The following ALDH8A1 variants were observed in gnomAD, a reference collection of about 807,000 sequenced individuals.
The protein encoded by ALDH8A1 is 2-aminomuconic semialdehyde dehydrogenase.
A neutral mutation model predicts 43.3 loss-of-function variants in ALDH8A1; 39 were observed. That is an observed-to-expected ratio of 0.90 (90% CI 0.70 to 1.18). ALDH8A1 has a LOEUF of 1.18. Ranked by LOEUF, ALDH8A1 falls within the 50% of genes most tolerant of loss-of-function variation. The pLI, the probability that ALDH8A1 is intolerant of heterozygous loss-of-function variation, is 0.00. For missense variants in ALDH8A1, 605 were observed against 622.6 expected (o/e 0.97, Z 0.30); for synonymous variants, 233 against 243.5 (o/e 0.96, Z 0.40).
chr6:134,931,406 G>C (rs1776983913), intron 5 of ALDH8A1, among the ~76,000 whole-genome samples: 2 of 152,118 alleles, frequency 1.3e-5, no homozygotes, highest in South Asian at 4.2e-4. Flanking sequence ...TGAGATTACA[G>C]GCGCCCACCA....
chr6:134,943,231 T>C (rs1773890097), intron 2 of ALDH8A1, among the ~76,000 whole-genome samples: 1 of 152,270 alleles, frequency 6.6e-6, no homozygotes, highest in Non-Finnish European at 1.5e-5. Flanking sequence ...GGCTGCTTTC[T>C]GATTTTTGAT....
chr6:134,948,880 G>A (rs1447511841), intron 1 of ALDH8A1, among the ~76,000 whole-genome samples: 1 of 152,190 alleles, frequency 6.6e-6, no homozygotes, highest in Non-Finnish European at 1.5e-5. Context: ...ACAAGGAAGA[G>A]TGGAAAACAC....
At chr6:134,924,643 G>A (rs1453872016) in intron 6 of ALDH8A1, among the ~76,000 whole-genome samples, 1 of 152,024 alleles carries the variant, frequency 6.6e-6, no homozygotes, top group Non-Finnish European at 1.5e-5. Flanking sequence ...TCTTTAGAGA[G>A]TCCTTCTCTA....
At chr6:134,929,273 C>T in intron 5 of ALDH8A1, 58 bp from the exon 6 acceptor site, 1 of 1,572,064 alleles carries the variant, frequency 6.4e-7, no homozygotes, top group South Asian at 1.2e-5. Flanking sequence ...GGATAGAGCA[C>T]CCTGCACTTT....
At position 134,929,128 on chromosome 6, in the gene ALDH8A1, T is replaced by C; in HGVS notation, c.937A>G (p.Lys313Glu). ...TCAGAGGGAATGCCGACTTTCCACT[T>C]TCTGGTAGCTTCTACAAATCTCTTT... ...FLKRFVEATR[K>E]WKVGIPSDPL... Residue 313 changes from lysine to glutamate, a missense_variant, in exon 6 of 7, where the codon AAG becomes GAG. Physicochemically the swap from Lys to Glu is moderately conservative, Grantham distance 56. Coordinates refer to ENST00000265605, the MANE Select transcript of ALDH8A1 (RefSeq NM_022568.4). 1 of 1,614,222 alleles carries C rather than the reference T, an allele frequency of 6.2e-7. No individual in the cohort carries two copies.
At chr6:134,931,879 T>C (rs1776991668) in intron 5 of ALDH8A1, among the ~76,000 whole-genome samples, 2 of 152,234 alleles carry the variant, frequency 1.3e-5, no homozygotes, top group Admixed American at 6.5e-5. Flanking sequence ...ATCATTATTG[T>C]TCACATGATT....
chr6:134,949,978 C>A lies in ALDH8A1; in HGVS notation c.76G>T (p.Asp26Tyr). ...TCCCCTGTTGATGGGTCGTAAGAAT[C>A]TATATATGAGCTACAAGGTAAAAAT... ...GKFLPCSSYI[D>Y]SYDPSTGEVY... Residue 26 changes from aspartate to tyrosine, a missense_variant, in exon 1 of 7, where the codon GAT becomes TAT. Coordinates refer to ENST00000265605, the MANE Select transcript of ALDH8A1 (RefSeq NM_022568.4). 1.2e-6 allele frequency: 2 copies of A among 1,613,086 alleles called. No homozygotes were observed. Among genetic ancestry groups the A allele is most frequent in the East Asian group, 4.5e-5 (2 of 44,866 alleles).
At chr6:134,932,465 G>A (rs2072827) in intron 5 of ALDH8A1, among the ~76,000 whole-genome samples, 52,706 of 151,950 alleles carry the variant, frequency 0.35, 11,072 homozygotes, top group East Asian at 0.49. Flanking sequence ...GACAAGACAG[G>A]GCAGCTGTGT....
intron 4 of ALDH8A1, among the ~76,000 whole-genome samples, chr6:134,933,265 G>A (rs904134380): frequency 3.3e-5 from 5 of 152,176 alleles, no homozygotes; most frequent in Admixed American, 3.3e-4. Context: ...TCCACTGGAT[G>A]CTTTGCCCTA....
chr6:134,949,825 C>A, intron 1 of ALDH8A1, 91 bp downstream of exon 1: 1 of 1,395,954 alleles, frequency 7.2e-7, no homozygotes. Flanking sequence ...CCTACATCTT[C>A]CCCCAACTCC....
At chr6:134,924,567 T>C (rs1464927727) in intron 6 of ALDH8A1, among the ~76,000 whole-genome samples, 1 of 152,204 alleles carries the variant, frequency 6.6e-6, no homozygotes, top group Non-Finnish European at 1.5e-5. Context: ...CCAGAATCCA[T>C]CACAACACGC....
At chr6:134,945,227 T>C (rs1369600159) in intron 1 of ALDH8A1, among the ~76,000 whole-genome samples, 1 of 152,156 alleles carries the variant, frequency 6.6e-6, no homozygotes, top group Admixed American at 6.5e-5. Flanking sequence ...ATGAGAAAAC[T>C]GAGACATAGA....
intron 1 of ALDH8A1, among the ~76,000 whole-genome samples, chr6:134,948,331 T>A (rs1478947175): frequency 6.6e-6 from 1 of 152,148 alleles, no homozygotes; most frequent in Non-Finnish European, 1.5e-5. Flanking sequence ...GTGACAATAG[T>A]TAACAATAAT....
At chr6:134,922,013 C>T (rs9483779) in intron 6 of ALDH8A1, among the ~76,000 whole-genome samples, 5,835 of 152,258 alleles carry the variant, frequency 0.038, 341 homozygotes, top group African/African-American at 0.13. Context: ...GTCCAGCTGG[C>T]GGGAGGCTCA....
At chr6:134,941,162 C>CA (rs1398836943) in intron 3 of ALDH8A1, among the ~76,000 whole-genome samples, 2 of 152,182 alleles carry the variant, frequency 1.3e-5, no homozygotes, top group Non-Finnish European at 2.9e-5. Context: ...CACCATACTA[C>CA]ATGCCCTACA....
chr6:134,931,565 C>G (rs553445905), intron 5 of ALDH8A1, among the ~76,000 whole-genome samples: 2 of 152,250 alleles, frequency 1.3e-5, no homozygotes, highest in Admixed American at 1.3e-4. Flanking sequence ...CATGCCTGGA[C>G]CCTCAGAATT....
chr6:134,929,958 TC>T (rs1197484122), intron 5 of ALDH8A1, among the ~76,000 whole-genome samples: 2 of 152,028 alleles, frequency 1.3e-5, no homozygotes, highest in African/African-American at 4.8e-5. Flanking sequence ...ATTCCAGAAG[TC>T]CAGATGCGTG....
intron 6 of ALDH8A1, among the ~76,000 whole-genome samples, chr6:134,922,957 G>A (rs1200578623): frequency 1.3e-5 from 2 of 152,170 alleles, no homozygotes; most frequent in African/African-American, 2.4e-5. Flanking sequence ...GAAAAACTGG[G>A]TGAGTGGTTA....
chr6:134,941,470 C>T (rs1412636198), intron 3 of ALDH8A1: 2 of 152,254 alleles, frequency 1.3e-5, no homozygotes, highest in Non-Finnish European at 2.9e-5. Flanking sequence ...TCACTGCAAC[C>T]TCGGCCTCCT....
Sources: allele counts gnomAD v4.1 joint callset (sites outside exome capture counted in the v4.1 genomes callset), GRCh38; gene constraint gnomAD v4.1.1; transcripts MANE v1.5; gene names NCBI Gene and HGNC (gene_info 2026-07-23, HGNC 2026-07-21).